SLC4A8: variants seen among roughly 807,000 people sequenced by gnomAD.
The protein encoded by SLC4A8 is solute carrier family 4 member 8.
SLC4A8 carries 40 observed loss-of-function variants against 125.0 expected under a neutral mutation model. The ratio of observed to expected loss-of-function variants is 0.32; its 90% CI spans 0.25 to 0.42. The LOEUF is 0.42. SLC4A8 is among the 10% of genes least tolerant of loss of function. The probability of loss-of-function intolerance (pLI) is 1.00; values close to 1 mark genes in which losing one functional copy is unlikely to be tolerated. For missense variants in SLC4A8, 863 were observed against 1,355.1 expected, an observed-to-expected ratio of 0.64 and a Z score of 5.70; for synonymous variants, 456 against 476.0, an observed-to-expected ratio of 0.96 and a Z score of 0.55.
intron 2 of SLC4A8, among the ~76,000 whole-genome samples, chr12:51,445,868 A>G (rs1949758789): frequency 6.6e-6 from 1 of 152,130 alleles, no homozygotes; most frequent in Admixed American, 6.5e-5. Context: ...CCCCAAGCAG[A>G]ATATGTGTCC....
chr12:51,435,821 A>T (rs1804843626), intron 1 of SLC4A8, among the ~76,000 whole-genome samples: 1 of 152,026 alleles, frequency 6.6e-6, no homozygotes. Flanking sequence ...CTTACTATCT[A>T]ACATAATAAG....
chr12:51,454,952 C>T (rs573170429), intron 5 of SLC4A8, among the ~76,000 whole-genome samples: 164 of 53,266 alleles, frequency 3.1e-3, no homozygotes, highest in Non-Finnish European at 4.8e-3. Context: ...GAGGTCCCTG[C>T]GGCCTTCCGC....
intron 23 of SLC4A8, among the ~76,000 whole-genome samples, 191 bp from the exon 24 acceptor site, chr12:51,505,644 C>T (rs1267714338): frequency 6.6e-6 from 1 of 152,216 alleles, no homozygotes; most frequent in African/African-American, 2.4e-5. Context: ...CATGGGCCAC[C>T]TTGCCATTCT....
At chr12:51,444,169 A>G (rs1001662552) in intron 2 of SLC4A8, among the ~76,000 whole-genome samples, 1 of 152,300 alleles carries the variant, frequency 6.6e-6, no homozygotes, top group Non-Finnish European at 1.5e-5. Context: ...ATGGCCAACA[A>G]AGTGACCACA....
At position 51,459,889 on chromosome 12, in the gene SLC4A8, T is replaced by A. The variant is rs1950269772; in HGVS notation, c.856-62T>A. ...GTCTCAAAAAAAAGTAAATAAAAAA[T>A]TTAAAAACGATATTTAAGGTGGTGG... On this transcript the variant is annotated intron_variant, in intron 7 of 24. Transcript: ENST00000453097. 1.5e-5 allele frequency: 21 copies of A among 1,446,418 alleles called. No homozygotes were observed. The South Asian group carries it at 2.5e-4, about 18-fold the overall frequency. The allele number at this position is 1,446,418 out of a possible 1,614,324, so 89.6% of individuals were successfully genotyped here. A position where few individuals can be genotyped will look rare whatever the true frequency, so the allele number is the denominator to read the frequency against.
rs1592287536 is a variant in SLC4A8 at position 51,508,499 on chromosome 12, T to C, written c.*1061T>C. 1 of 152,650 alleles carries C rather than the reference T, an allele frequency of 6.6e-6. No homozygotes were observed. The allele number at this position is 152,650 out of a possible 1,614,324, so 9.5% of individuals were successfully genotyped here. ...AGTGCTTACGTACTGTCTCCTTAGC[T>C]GCCTTAGAGTAAACGATCATCAGTT... On this transcript the variant is annotated 3_prime_UTR_variant, in exon 25 of 25. Transcript: ENST00000453097.
chr12:51,464,992 G>A (rs1265352059), intron 11 of SLC4A8, among the ~76,000 whole-genome samples: 2 of 152,054 alleles, frequency 1.3e-5, no homozygotes, highest in Non-Finnish European at 2.9e-5. Flanking sequence ...GAAAGAAGGA[G>A]TCCTTGCAAT....
intron 1 of SLC4A8, among the ~76,000 whole-genome samples, chr12:51,436,053 C>T (rs748051705): frequency 1.3e-4 from 20 of 152,132 alleles, no homozygotes; most frequent in Non-Finnish European, 2.6e-4. Flanking sequence ...AATAAAAACG[C>T]ATTGTATATT....
At chr12:51,469,048 T>G (rs1950612335) in intron 11 of SLC4A8, 1 of 152,676 alleles carries the variant, frequency 6.5e-6, no homozygotes. Flanking sequence ...CTAGACTTGG[T>G]CCTGGAGAGC....
chr12:51,492,413 T>A (rs1951342109), intron 19 of SLC4A8, among the ~76,000 whole-genome samples: 1 of 152,116 alleles, frequency 6.6e-6, no homozygotes, highest in African/African-American at 2.4e-5. Context: ...CTGACACCCC[T>A]TTCCCACCTC....
intron 11 of SLC4A8, among the ~76,000 whole-genome samples, chr12:51,464,214 G>T (rs569661323): frequency 7.2e-5 from 11 of 152,262 alleles, no homozygotes; most frequent in African/African-American, 2.6e-4. Context: ...AAGGGCAGAG[G>T]CTCTATTATA....
At position 51,497,064 on chromosome 12, in the gene SLC4A8, C is replaced by G. The variant is rs771014823; in HGVS notation, c.3021C>G (p.Leu1007=). ...SKRELSWLDD[L]MPESKKKKLD... is the part of the protein sequence containing the mutation. ...GAGAGCTGAGCTGGCTAGATGATCT[C>G]ATGCCTGAAAGCAAAAAGAAGAAGT... Residue 1007 remains leucine, a synonymous_variant, in exon 22 of 25, where the codon CTC becomes CTG. Transcript: ENST00000453097. 2 of 1,613,740 alleles carry G rather than the reference C, an allele frequency of 1.2e-6. No individual in the cohort carries two copies. The highest frequency in any genetic ancestry group is 3.3e-5 in the Admixed American group (2 of 59,936).
At chr12:51,444,390 C>T (rs751926646) in intron 2 of SLC4A8, among the ~76,000 whole-genome samples, 5 of 152,126 alleles carry the variant, frequency 3.3e-5, no homozygotes, top group East Asian at 1.9e-4. Context: ...GACCCCCTGC[C>T]GAACTTGATT....
rs530092566 is a variant in SLC4A8, at chr12:51,509,776, T to A, written c.*2338T>A. The A allele has an allele frequency of 6.6e-6, 1 of 152,366 alleles. No individual in the cohort carries two copies. Among genetic ancestry groups the A allele is most frequent in the East Asian group, 1.9e-4 (1 of 5,188 alleles). 9.4% of individuals were successfully genotyped at this position (152,366 alleles called of 1,614,324 possible). On this transcript the variant is annotated 3_prime_UTR_variant, in exon 25 of 25. Coordinates refer to ENST00000453097, the MANE Select transcript of SLC4A8 (RefSeq NM_001039960.3). Reference sequence around the variant, plus strand: ...GGACCACCTGTGCACTTTAGGGTACTTCTCGAGCTAGACCCTCCTGGATCA... The same window carrying A: ...GGACCACCTGTGCACTTTAGGGTACATCTCGAGCTAGACCCTCCTGGATCA...
At position 51,475,211 on chromosome 12, in the gene SLC4A8, G is replaced by A; in HGVS notation, c.2172+5G>A. ...AGCCGTTATTTCCCAACCAGAGTAG[G>A]TAGCATGTTCATGCATTTCTTTCAC... On this transcript the variant is annotated splice_donor_5th_base_variant and intron_variant, in intron 16 of 24. Transcript: ENST00000453097. 2 of 1,613,464 alleles carry A rather than the reference G, an allele frequency of 1.2e-6. No individual in the cohort carries two copies. Among genetic ancestry groups the A allele is most frequent in the Non-Finnish European group, 1.7e-6 (2 of 1,179,584 alleles).
intron 1 of SLC4A8, among the ~76,000 whole-genome samples, chr12:51,439,954 A>G (rs1949541270): frequency 6.6e-6 from 1 of 152,230 alleles, no homozygotes; most frequent in African/African-American, 2.4e-5. Flanking sequence ...TTACTGAACC[A>G]CAGTTTCAGA....
At chr12:51,479,928 CAG>C (rs1231124975) in intron 16 of SLC4A8, 3 of 396,262 alleles carry the variant, frequency 7.6e-6, no homozygotes, top group South Asian at 3.7e-5. Flanking sequence ...TCTCACGAAA[CAG>C]AGGGCTGTTT....
chr12:51,434,999 T>TGG (rs1949353934), intron 1 of SLC4A8, among the ~76,000 whole-genome samples: 1 of 152,234 alleles, frequency 6.6e-6, no homozygotes, highest in East Asian at 1.9e-4. Flanking sequence ...ACCCAGTACC[T>TGG]ATCCTCCTAG....
At chr12:51,421,378 G>A (rs1281310794), upstream of SLC4A8, among the ~76,000 whole-genome samples, 1 of 152,216 alleles carries the variant, frequency 6.6e-6, no homozygotes, top group African/African-American at 2.4e-5. Context: ...CCTGTCTTCT[G>A]CAGTGCCCCA....
Sources: allele counts gnomAD v4.1 joint callset (sites outside exome capture counted in the v4.1 genomes callset), GRCh38; gene constraint gnomAD v4.1.1; transcripts MANE v1.5; gene names NCBI Gene and HGNC (gene_info 2026-07-23, HGNC 2026-07-21).